Variants in HIBADH observed in about 807,000 individuals in gnomAD.
HIBADH encodes the protein 3-hydroxyisobutyrate dehydrogenase, mitochondrial.
In HIBADH, 25 loss-of-function variants were observed where a neutral mutation model predicts 36.1. The observed-to-expected ratio is 0.69, with a 90% CI of 0.50 to 0.97. HIBADH has a LOEUF of 0.97. Ranked by LOEUF, HIBADH falls within the 50% of genes least tolerant of loss-of-function variation. HIBADH has a pLI of 0.00. For synonymous variants in HIBADH, 160 were observed against 149.5 expected (o/e 1.07, Z -0.51); for missense variants, 421 against 418.0 (o/e 1.01, Z -0.06).
chr7:27,546,865 G>T lies in HIBADH; in HGVS notation c.485-3765C>A, dbSNP rs562946681. ...TCTCACTGTCCATCCCTACTACCAC[G>T]GTCTGAGCTACAGGTAACTCCTGCC... On this transcript the variant is annotated intron_variant, in intron 4 of 7. Coordinates refer to ENST00000265395, the MANE Select transcript of HIBADH (RefSeq NM_152740.4). 4.6e-5 allele frequency among the ~76,000 whole-genome samples: 7 copies of T among 152,218 alleles called. No homozygotes were observed. The East Asian group carries it at 1.2e-3, about 25-fold the overall frequency.
chr7:27,569,585 G>C (rs907495547), intron 4 of HIBADH, among the ~76,000 whole-genome samples: 11 of 151,962 alleles, frequency 7.2e-5, no homozygotes, highest in African/African-American at 2.7e-4. Context: ...GGGCCCAGAA[G>C]TTCATACATA....
At chr7:27,550,955 C>A (rs778315724) in intron 4 of HIBADH, among the ~76,000 whole-genome samples, 1 of 152,092 alleles carries the variant, frequency 6.6e-6, no homozygotes, top group Non-Finnish European at 1.5e-5. Context: ...TTGAAAATTA[C>A]TGAGAGTAGA....
chr7:27,558,518 T>C (rs1373059311), intron 4 of HIBADH, among the ~76,000 whole-genome samples: 1 of 151,998 alleles, frequency 6.6e-6, no homozygotes, highest in Admixed American at 6.6e-5. Context: ...TTTGTAGAGA[T>C]GGCGTCTTGC....
intron 4 of HIBADH, among the ~76,000 whole-genome samples, chr7:27,603,078 C>T (rs1785159416): frequency 6.6e-6 from 1 of 152,108 alleles, no homozygotes; most frequent in Admixed American, 6.5e-5. Flanking sequence ...CTCATGCCCC[C>T]TCACCCCTTT....
chr7:27,649,630 C>G lies in HIBADH; in HGVS notation c.95G>C (p.Cys32Ser), dbSNP rs1786142125. Residue 32 changes from cysteine to serine, a missense_variant, in exon 2 of 8, where the codon TGT becomes TCT. Cys to Ser is a moderately radical substitution (Grantham distance 112). Transcript: ENST00000265395. ...RPAAGSFAAVCSRSVASKTPV... is the reference protein window; with the variant it reads ...RPAAGSFAAVSSRSVASKTPV... ...AGTCTTTGAAGCCACTGACCTAGAA[C>G]ACACTGATTTCAATACATTATTTTC... is the stretch of plus-strand genomic sequence containing the variant. The G allele has an allele frequency of 1.2e-6, 2 of 1,600,094 alleles. No individual in the cohort carries two copies. The highest frequency in any genetic ancestry group is 1.3e-5 in the African/African-American group (1 of 74,468).
At chr7:27,638,642 C>T (rs1253265695) in intron 2 of HIBADH, among the ~76,000 whole-genome samples, 22 of 152,052 alleles carry the variant, frequency 1.4e-4, no homozygotes, top group Admixed American at 1.4e-3. Context: ...AAACTATCAA[C>T]AAAAAATAAA....
chr7:27,627,453 T>C (rs1448533797), intron 4 of HIBADH, among the ~76,000 whole-genome samples: 1 of 152,170 alleles, frequency 6.6e-6, no homozygotes, highest in Non-Finnish European at 1.5e-5. Context: ...TCTGTCTCAT[T>C]TGACTGCCCT....
intron 4 of HIBADH, among the ~76,000 whole-genome samples, chr7:27,581,422 T>C (rs901219751): frequency 6.6e-6 from 1 of 152,198 alleles, no homozygotes; most frequent in Non-Finnish European, 1.5e-5. Flanking sequence ...TTAATTATTC[T>C]GCTTCAGTTT....
intron 4 of HIBADH, among the ~76,000 whole-genome samples, chr7:27,556,140 T>TTAAAA (rs1784385635): frequency 6.2e-5 from 4 of 64,168 alleles, no homozygotes; most frequent in Admixed American, 4.7e-4. Flanking sequence ...TTCTCACTTG[T>TTAAAA]TAATAATATC....
chr7:27,655,549 AG>A (rs1014261394), intron 1 of HIBADH, among the ~76,000 whole-genome samples: 3 of 152,222 alleles, frequency 2.0e-5, no homozygotes, highest in African/African-American at 7.2e-5. Context: ...TAATAAAACA[AG>A]GGGAAAAAGA....
At position 27,649,644 on chromosome 7, in the gene HIBADH, T is replaced by C. The variant is rs1431459339; in HGVS notation, c.92-11A>G. ...CTGACCTAGAACACACTGATTTCAA[T>C]ACATTATTTTCAATAGGGGCAAATA... On this transcript the variant is annotated splice_polypyrimidine_tract_variant and intron_variant, in intron 1 of 7. Coordinates refer to ENST00000265395, the MANE Select transcript of HIBADH (RefSeq NM_152740.4). The C allele has an allele frequency of 9.6e-6, 15 of 1,567,452 alleles. No homozygotes were observed. Among genetic ancestry groups the C allele is most frequent in the Admixed American group, 5.5e-5 (3 of 54,420 alleles).
intron 2 of HIBADH, among the ~76,000 whole-genome samples, chr7:27,641,130 T>C (rs909552964): frequency 5.9e-5 from 9 of 152,186 alleles, no homozygotes; most frequent in Non-Finnish European, 1.2e-4. Context: ...TCTATGTCAC[T>C]AAATTCAGCT....
rs368126484 is a variant in HIBADH, at chr7:27,569,909, T to C, written c.485-26809A>G. ...TGCAGGTTCAGAAGAGAGGATCATA[T>C]GGCAGAGCTGGGAGGGAAGAAAAAC... On this transcript the variant is annotated intron_variant, in intron 4 of 7. Coordinates refer to ENST00000265395, the MANE Select transcript of HIBADH (RefSeq NM_152740.4). Among the ~76,000 whole-genome samples the C allele has an allele frequency of 9.8e-5, 15 of 152,342 alleles. No individual in the cohort carries two copies. In the South Asian group the frequency reaches 3.1e-3, roughly 32 times the overall value.
At chr7:27,650,280 A>G (rs1306423354) in intron 1 of HIBADH, among the ~76,000 whole-genome samples, 3 of 9,238 alleles carry the variant, frequency 3.2e-4, no homozygotes, top group Non-Finnish European at 5.1e-4. Flanking sequence ...CCAATGATAC[A>G]AAAAAAAAAA....
intron 4 of HIBADH, among the ~76,000 whole-genome samples, chr7:27,554,361 CTT>C (rs1478116516): frequency 6.6e-6 from 1 of 152,204 alleles, no homozygotes; most frequent in Non-Finnish European, 1.5e-5. Context: ...TTCTATTTTA[CTT>C]TCTTTAGGCA....
intron 4 of HIBADH, among the ~76,000 whole-genome samples, chr7:27,593,568 G>C (rs1057288050): frequency 6.6e-6 from 1 of 152,120 alleles, no homozygotes; most frequent in Admixed American, 6.5e-5. Flanking sequence ...CTGTGTTTAA[G>C]ATTAACTCAA....
At chr7:27,561,931 A>G (rs1008615847) in intron 4 of HIBADH, among the ~76,000 whole-genome samples, 3 of 152,108 alleles carry the variant, frequency 2.0e-5, no homozygotes, top group African/African-American at 4.8e-5. Context: ...TAGTAAATCC[A>G]TATTTCTTTT....
Position 27,609,215 on chromosome 7 carries a change from G to C in HIBADH, c.484+20156C>G, listed in dbSNP as rs1785282994. 1.3e-5 allele frequency among the ~76,000 whole-genome samples: 2 copies of C among 152,092 alleles called. 1 individual carries two copies. Among genetic ancestry groups the C allele is most frequent in the South Asian group, 4.2e-4 (2 of 4,816 alleles). On this transcript the variant is annotated intron_variant, in intron 4 of 7. Coordinates refer to ENST00000265395, the MANE Select transcript of HIBADH (RefSeq NM_152740.4). ...AATTTTCTTAGGCGACAAACTGCTG[G>C]AGCTGCCTCAACCATGTTATCTTGG...
At position 27,543,091 on chromosome 7, in the gene HIBADH, G is replaced by T. The variant is rs1378106903; in HGVS notation, c.494C>A (p.Ala165Asp). ...MDAPVSGGVG[A>D]ARSGNLTFMV... ...AAACGTGAGGTTCCCAGATCGTGCAGCTCCTACACCTGAATCATTTGGGGG... is the reference window on the plus strand; with the variant it reads ...AAACGTGAGGTTCCCAGATCGTGCATCTCCTACACCTGAATCATTTGGGGG... The change falls in exon 5 of 8, where the codon GCT becomes GAT. Residue 165 changes from alanine to aspartate, a missense_variant. Ala to Asp is a moderately radical substitution (Grantham distance 126, BLOSUM62 -2). Transcript: ENST00000265395. 8 of 1,613,624 alleles carry T rather than the reference G, an allele frequency of 5.0e-6. No individual in the cohort carries two copies. The highest frequency in any genetic ancestry group is 6.8e-6 in the Non-Finnish European group (8 of 1,179,760).
Sources: allele counts gnomAD v4.1 joint callset (sites outside exome capture counted in the v4.1 genomes callset), GRCh38; gene constraint gnomAD v4.1.1; transcripts MANE v1.5; gene names NCBI Gene and HGNC (gene_info 2026-07-23, HGNC 2026-07-21).